Variants in CEP112 observed in about 807,000 individuals in gnomAD.
The protein encoded by CEP112 is centrosomal protein 112.
Under a neutral mutation model 153.0 loss-of-function variants are expected in CEP112, and 127 were observed. That is an observed-to-expected ratio of 0.83 (90% CI 0.72 to 0.96). The LOEUF (loss-of-function observed/expected upper bound fraction) is 0.96. Ranked by LOEUF, CEP112 falls within the 40% of genes least tolerant of loss-of-function variation. The pLI is 0.00. For missense variants in CEP112, 1,089 were observed against 1,101.2 expected, an observed-to-expected ratio of 0.99 and a Z score of 0.16; for synonymous variants, 358 against 374.4, an observed-to-expected ratio of 0.96 and a Z score of 0.51.
chr17:65,865,488 G>A (rs968376762), intron 20 of CEP112, among the ~76,000 whole-genome samples: 2 of 152,218 alleles, frequency 1.3e-5, no homozygotes, highest in African/African-American at 4.8e-5. Context: ...TGGCAGCAAT[G>A]GGCCGTCCAG....
In CEP112 at chr17:65,733,852, T is replaced by C. The variant is rs940336500; in HGVS notation, c.2607+9216A>G. Among the ~76,000 whole-genome samples the C allele has an allele frequency of 3.9e-5, 6 of 152,326 alleles. No individual in the cohort carries two copies. In the Middle Eastern group the frequency reaches 0.01, roughly 259 times the overall value. The stretch of plus-strand genomic sequence containing the variant: ...TGGTGAGAAAGACAATTCATCTAAA[T>C]ACAGGTCCACAATGTTCTATCTGCA... On this transcript the variant is annotated intron_variant, in intron 23 of 26. Coordinates refer to ENST00000535342, the MANE Select transcript of CEP112 (RefSeq NM_001199165.4).
intron 6 of CEP112, among the ~76,000 whole-genome samples, chr17:66,098,438 C>T (rs2068435210): frequency 6.6e-6 from 1 of 152,024 alleles, no homozygotes; most frequent in Admixed American, 6.6e-5. Context: ...AAAAAGTTCC[C>T]CAAACGATTT....
chr17:65,882,429 G>C (rs953908921), intron 20 of CEP112, among the ~76,000 whole-genome samples: 5 of 152,196 alleles, frequency 3.3e-5, no homozygotes, highest in African/African-American at 9.7e-5. Flanking sequence ...TGCCAGAATG[G>C]TTCTCGGAAA....
intron 23 of CEP112, among the ~76,000 whole-genome samples, chr17:65,699,353 A>AT (rs775374454): frequency 4.6e-5 from 7 of 151,596 alleles, no homozygotes; most frequent in Admixed American, 1.3e-4. Context: ...AAATTCTCAG[A>AT]TTTTTTTTTC....
intron 20 of CEP112, among the ~76,000 whole-genome samples, chr17:65,886,848 T>C (rs2146671486): frequency 6.6e-6 from 1 of 152,122 alleles, no homozygotes; most frequent in South Asian, 2.1e-4. Context: ...AGAGAAAGGG[T>C]TGCTTAGGGG....
At chr17:65,921,827 A>C (rs149684697) in intron 19 of CEP112, among the ~76,000 whole-genome samples, 2 of 152,244 alleles carry the variant, frequency 1.3e-5, no homozygotes, top group East Asian at 3.9e-4. Context: ...ACTTTGATAG[A>C]TTTTAAAATC....
At chr17:66,085,197 A>G (rs915659902) in intron 8 of CEP112, among the ~76,000 whole-genome samples, 2 of 152,212 alleles carry the variant, frequency 1.3e-5, no homozygotes, top group Non-Finnish European at 2.9e-5. Context: ...AATATAATTT[A>G]TATATCATAA....
intron 20 of CEP112, among the ~76,000 whole-genome samples, chr17:65,893,976 A>G (rs2059572290): frequency 6.6e-6 from 1 of 152,132 alleles, no homozygotes; most frequent in African/African-American, 2.4e-5. Context: ...TCTCTGTCAC[A>G]AAAAATTACC....
At chr17:65,782,878 G>T (rs1416338351) in intron 21 of CEP112, among the ~76,000 whole-genome samples, 1 of 151,946 alleles carries the variant, frequency 6.6e-6, no homozygotes, top group Non-Finnish European at 1.5e-5. Context: ...CTCAGTAACT[G>T]GGTGACAGGA....
intron 19 of CEP112, among the ~76,000 whole-genome samples, chr17:65,910,516 A>T (rs2060246166): frequency 6.6e-6 from 1 of 152,206 alleles, no homozygotes; most frequent in Non-Finnish European, 1.5e-5. Flanking sequence ...AGAGAACTTA[A>T]TAAGAACATG....
chr17:66,096,555 T>G lies in CEP112; in HGVS notation c.690+30A>C, dbSNP rs1430404754. 3 of 1,501,148 alleles carry G rather than the reference T, an allele frequency of 2.0e-6. No individual in the cohort carries two copies. The African/African-American group carries it at 4.2e-5, about 21-fold the overall frequency. The allele number at this position is 1,501,148 out of a possible 1,614,324, so 93.0% of individuals were successfully genotyped here. On this transcript the variant is annotated intron_variant, in intron 7 of 26. Coordinates refer to ENST00000535342, the MANE Select transcript of CEP112 (RefSeq NM_001199165.4). ...TATTTTATTTTAAAATACCTGCCCC[T>G]AGAAAAAGTCCAATGGATTTCTCAC... is the stretch of plus-strand genomic sequence containing the variant.
intron 18 of CEP112, among the ~76,000 whole-genome samples, chr17:65,954,439 G>A (rs976337884): frequency 6.6e-6 from 1 of 151,992 alleles, no homozygotes; most frequent in Non-Finnish European, 1.5e-5. Context: ...CTGGTAATAT[G>A]ACAAAACAAG....
At chr17:65,655,057 A>G in intron 24 of CEP112, 1 of 686,432 alleles carries the variant, frequency 1.5e-6, no homozygotes, top group Middle Eastern at 2.6e-4. Context: ...CTGGAGATCC[A>G]GAACCAAAAC....
chr17:65,884,888 G>A (rs2059220469), intron 20 of CEP112, among the ~76,000 whole-genome samples: 1 of 151,648 alleles, frequency 6.6e-6, no homozygotes, highest in South Asian at 2.1e-4. Flanking sequence ...GGCTAATTTT[G>A]TATTTTTAGT....
chr17:66,157,148 A>G (rs572065791), intron 4 of CEP112, among the ~76,000 whole-genome samples: 197 of 152,322 alleles, frequency 1.3e-3, no homozygotes, highest in African/African-American at 4.6e-3. Context: ...GTTACCCACA[A>G]AGGGAAGCCC....
At chr17:65,646,241 G>A (rs1026500802) in intron 24 of CEP112, among the ~76,000 whole-genome samples, 10 of 152,044 alleles carry the variant, frequency 6.6e-5, no homozygotes, top group African/African-American at 1.2e-4. Context: ...TTGAAGATTC[G>A]TGCATTTATA....
chr17:66,176,993 C>CTAATCCA lies in CEP112; in HGVS notation c.127_133dup (p.Arg45MetfsTer3), dbSNP rs759648206. On this transcript the variant is annotated stop_gained and frameshift_variant, in exon 3 of 27. Transcript: ENST00000535342. LOFTEE classifies it high-confidence loss of function. ...TGTTCCTGAAGGTTCGCACAGCTTTCTAATCCAAAGAGCACACCTCTGCCG... is the reference window on the plus strand; with the variant it reads ...TGTTCCTGAAGGTTCGCACAGCTTTCTAATCCATAATCCAAAGAGCACACCTCTGCCG... The CTAATCCA allele has an allele frequency of 6.2e-7, 1 of 1,612,998 alleles. No homozygotes were observed. Among genetic ancestry groups the CTAATCCA allele is most frequent in the Non-Finnish European group, 8.5e-7 (1 of 1,179,498 alleles).
intron 23 of CEP112, among the ~76,000 whole-genome samples, chr17:65,733,419 T>C (rs1043822203): frequency 3.9e-5 from 6 of 152,052 alleles, no homozygotes; most frequent in Non-Finnish European, 8.8e-5. Flanking sequence ...GCACAGCACA[T>C]GCTGTTGGAA....
At chr17:66,089,742 G>A (rs1168937221) in intron 8 of CEP112, among the ~76,000 whole-genome samples, 1 of 152,082 alleles carries the variant, frequency 6.6e-6, no homozygotes, top group Admixed American at 6.6e-5. Flanking sequence ...GAAAAAGAGA[G>A]ACAAAGGTGT....
Sources: gnomAD v4.1 joint callset for allele counts (sites outside exome capture counted in the v4.1 genomes callset) on GRCh38, gnomAD v4.1.1 for gene constraint, MANE v1.5 for transcripts, NCBI Gene and HGNC (gene_info 2026-07-23, HGNC 2026-07-21) for gene names.